Variants in RBM5 observed in about 807,000 individuals in gnomAD.
RBM5 encodes the protein RNA-binding protein 5.
RBM5 carries 15 observed loss-of-function variants against 124.6 expected under a neutral mutation model. The ratio of observed to expected loss-of-function variants is 0.12; its 90% CI spans 0.08 to 0.19. The LOEUF is 0.19. Among genes scored for constraint, RBM5 ranks in the 10% least tolerant of loss-of-function variants. The pLI is 1.00. For synonymous variants in RBM5, 337 were observed against 361.2 expected (o/e 0.93, Z 0.76); for missense variants, 580 against 1,026.5 (o/e 0.57, Z 5.94).
In RBM5 at chr3:50,115,966, C is replaced by T. The variant is rs1249913980; in HGVS notation, c.2080C>T (p.Leu694=). The change falls in exon 22 of 25, where the codon CTA becomes TTA. Residue 694 remains leucine (L), a synonymous_variant. Coordinates refer to ENST00000347869, the MANE Select transcript of RBM5 (RefSeq NM_005778.4). ...CGAGCAGGAGCTGGAAGCCTTGGAGCTAAGGGAGAGAGAGGTGAATGGGAA... is the reference window on the plus strand; with the variant it reads ...CGAGCAGGAGCTGGAAGCCTTGGAGTTAAGGGAGAGAGAGGTGAATGGGAA... The part of the protein sequence containing the change: ...LSEQELEALE[L]REREMKYRDR... The T allele has an allele frequency of 1.2e-6, 2 of 1,613,204 alleles. No individual in the cohort carries two copies. Among genetic ancestry groups the T allele is most frequent in the Non-Finnish European group, 8.5e-7 (1 of 1,179,200 alleles).
chr3:50,109,807 A>G (rs1309314383), intron 15 of RBM5, 119 bp downstream of exon 15: 4 of 668,190 alleles, frequency 6.0e-6, no homozygotes, highest in Non-Finnish European at 1.0e-5. Context: ...CTTCAACCTT[A>G]TTTCTTTCTG....
intron 15 of RBM5, 35 bp from the exon 16 acceptor site, chr3:50,110,344 A>T: frequency 6.3e-7 from 1 of 1,585,914 alleles, no homozygotes; most frequent in Non-Finnish European, 8.7e-7. Flanking sequence ...AAGGCTTTAC[A>T]GTTGAAATTA....
In RBM5 at chr3:50,093,709, T is replaced by C. The variant is rs1168562323; in HGVS notation, c.184-11T>C. The C allele has an allele frequency of 1.9e-6, 3 of 1,609,940 alleles. No homozygotes were observed. Among genetic ancestry groups the C allele is most frequent in the African/African-American group, 1.3e-5 (1 of 74,862 alleles). On this transcript the variant is annotated splice_polypyrimidine_tract_variant and intron_variant, in intron 3 of 24. Transcript: ENST00000347869. The stretch of plus-strand genomic sequence containing the variant: ...GTGATGTTAATTGTGATTTTGTTTA[T>C]TGTAACTCAGAGAGAGCGTGAAAGA...
At position 50,110,918 on chromosome 3, in the gene RBM5, A is replaced by T. The variant is rs375086339; in HGVS notation, c.1455+148A>T. On this transcript the variant is annotated intron_variant, in intron 17 of 24. Coordinates refer to ENST00000347869, the MANE Select transcript of RBM5 (RefSeq NM_005778.4). Reference sequence around the variant, plus strand: ...AAAGCCACCAAAATGTAATTTTTATATGGAGATTGTAAGTTTTAATTGTAG... The same window carrying T: ...AAAGCCACCAAAATGTAATTTTTATTTGGAGATTGTAAGTTTTAATTGTAG... 84 of 641,206 alleles carry T rather than the reference A, an allele frequency of 1.3e-4. No individual in the cohort carries two copies. The East Asian group carries it at 1.6e-3, about 12-fold the overall frequency. The allele number at this position is 641,206 out of a possible 1,614,324, so 39.7% of individuals were successfully genotyped here. A position where few individuals can be genotyped will look rare whatever the true frequency, so the allele number is the denominator to read the frequency against.
intron 20 of RBM5, chr3:50,115,124 CG>C (rs2091221547): frequency 3.7e-6 from 1 of 269,804 alleles, no homozygotes; most frequent in Non-Finnish European, 7.0e-6. Context: ...GCTGAGATTA[CG>C]CCACTGCACT....
chr3:50,106,053 A>C (rs2091020871), intron 10 of RBM5, among the ~76,000 whole-genome samples: 1 of 147,496 alleles, frequency 6.8e-6, no homozygotes, highest in African/African-American at 2.5e-5. Context: ...CCAGGGTTCA[A>C]GCGATTCTCC....
At chr3:50,103,272 C>A in intron 7 of RBM5, 106 bp downstream of exon 7, 1 of 899,974 alleles carries the variant, frequency 1.1e-6, no homozygotes, top group Non-Finnish European at 1.8e-6. Context: ...ACTCAATCAT[C>A]AGTAATATTC....
At position 50,117,416 on chromosome 3, in the gene RBM5, T is replaced by G. The variant is rs1334567093; in HGVS notation, c.2322+37T>G. 2.5e-6 allele frequency: 4 copies of G among 1,610,198 alleles called. No homozygotes were observed. The African/African-American group carries it at 4.0e-5, about 16-fold the overall frequency. ...GGTCAGGTCTTGATGTTTGCCAGGC[T>G]TACAGGCCGGTTCCAGAGATGAGAT... is the stretch of plus-strand genomic sequence containing the variant. On this transcript the variant is annotated intron_variant, in intron 24 of 24. Transcript: ENST00000347869. This position sits in a 1 kb window ranked among gnomAD's most constrained non-coding sequence, Gnocchi z 4.2.
intron 6 of RBM5, chr3:50,101,694 C>G (rs2090943336): frequency 6.6e-6 from 1 of 152,208 alleles, no homozygotes; most frequent in Admixed American, 6.5e-5. Context: ...GTCAGAATGA[C>G]TAACCTAGGA....
In RBM5 at chr3:50,097,265, G is replaced by A. The variant is rs571533927; in HGVS notation, c.340-2717G>A. ...AAAAAAATTAGCCAGCCGTGGTGGC[G>A]GGCGCCTGTAGTCCCAGTTACTCAG... On this transcript the variant is annotated intron_variant, in intron 4 of 24. Transcript: ENST00000347869. 4.6e-5 allele frequency among the ~76,000 whole-genome samples: 7 copies of A among 152,186 alleles called. No individual in the cohort carries two copies. In the East Asian group the frequency reaches 1.2e-3, roughly 25 times the overall value.
intron 1 of RBM5, among the ~76,000 whole-genome samples, chr3:50,089,387 C>A (rs2090659221): frequency 6.6e-6 from 1 of 152,260 alleles, no homozygotes; most frequent in African/African-American, 2.4e-5. Flanking sequence ...TCAACTGCAA[C>A]TGAATCGCCC....
rs757564818 is a variant in RBM5 at position 50,100,485 on chromosome 3, AACTG to A, written c.410-43_410-40del. 5.4e-6 allele frequency: 8 copies of A among 1,485,590 alleles called. No individual in the cohort carries two copies. Among genetic ancestry groups the A allele is most frequent in the African/African-American group, 4.2e-5 (3 of 72,080 alleles). 92.0% of individuals were successfully genotyped at this position (1,485,590 alleles called of 1,614,324 possible). ...GAGAGAGATTCACCTGTTATAAAGG[AACTG>A]ACTAACACAAGTATCCCGTCTATAT... On this transcript the variant is annotated intron_variant, in intron 5 of 24. Transcript: ENST00000347869. This position sits in a 1 kb window ranked among gnomAD's most constrained non-coding sequence, Gnocchi z 5.1.
intron 13 of RBM5, 37 bp from the exon 14 acceptor site, chr3:50,108,195 C>G: frequency 6.2e-7 from 1 of 1,603,164 alleles, no homozygotes. Context: ...CAGAGTGTGT[C>G]TGAGAATAGC....
intron 20 of RBM5, 107 bp downstream of exon 20, chr3:50,114,358 G>C (rs1303077162): frequency 2.8e-6 from 3 of 1,087,760 alleles, no homozygotes; most frequent in Non-Finnish European, 3.9e-6. Context: ...AACTGAATGT[G>C]ATCACTGTTG....
At chr3:50,103,463 A>G (rs1383199365) in intron 7 of RBM5, among the ~76,000 whole-genome samples, 1 of 152,182 alleles carries the variant, frequency 6.6e-6, no homozygotes, top group Admixed American at 6.5e-5. Context: ...CCTGGCCAAC[A>G]TGGCAAAACC....
chr3:50,106,672 T>C (rs1273511798), intron 10 of RBM5, 95 bp from the exon 11 acceptor site: 4 of 895,754 alleles, frequency 4.5e-6, no homozygotes, highest in African/African-American at 3.4e-5. Flanking sequence ...TTGCCTTTTA[T>C]TTTTTAATAG....
intron 12 of RBM5, among the ~76,000 whole-genome samples, chr3:50,107,799 G>C (rs1575325127): frequency 1.5e-5 from 2 of 136,770 alleles, no homozygotes; most frequent in South Asian, 4.8e-4. Flanking sequence ...TGGTTCTTCT[G>C]TCTCAGCCTC....
intron 17 of RBM5, chr3:50,112,032 AGCCTG>A (rs1418992555): frequency 2.0e-5 from 3 of 148,890 alleles, no homozygotes; most frequent in Non-Finnish European, 4.4e-5. Context: ...TCATTTGTGA[AGCCTG>A]GCCATTTATT....
At chr3:50,113,182 T>C (rs980136853) in intron 17 of RBM5, 6 of 442,410 alleles carry the variant, frequency 1.4e-5, no homozygotes, top group African/African-American at 2.0e-5. Flanking sequence ...AGAAATCATA[T>C]TCTATTTTTA....
Sources: allele counts gnomAD v4.1 joint callset (sites outside exome capture counted in the v4.1 genomes callset), GRCh38; gene constraint gnomAD v4.1.1; non-coding constraint Gnocchi (gnomAD v3.1); transcripts MANE v1.5; gene names NCBI Gene and HGNC (gene_info 2026-07-23, HGNC 2026-07-21).